Variants in RHOU observed in about 807,000 individuals in gnomAD.
RHOU encodes rho-related GTP-binding protein RhoU.
A neutral mutation model predicts 12.6 loss-of-function variants in RHOU; 8 were observed. The observed-to-expected ratio is 0.64, with a 90% CI of 0.37 to 1.15. The LOEUF is 1.15. Ranked by LOEUF, RHOU falls within the 50% of genes most tolerant of loss-of-function variation. The probability of loss-of-function intolerance (pLI) is 0.01; values close to 1 mark genes in which losing one functional copy is unlikely to be tolerated. For synonymous variants in RHOU, 161 were observed against 147.4 expected (o/e 1.09, Z -0.67); for missense variants, 258 against 347.0 (o/e 0.74, Z 2.04).
At chr1:228,712,813 TAATAAATA>T in the RHOU span, among the ~76,000 whole-genome samples, 3 of 142,548 alleles carry the variant, frequency 2.1e-5, no homozygotes, top group East Asian at 4.1e-4. Context: ...AGTATAATAA[TAATAAATA>T]AATAAATAAA....
chr1:228,658,883 A>C, the RHOU span, among the ~76,000 whole-genome samples: 1 of 152,224 alleles, frequency 6.6e-6, no homozygotes, highest in Admixed American at 6.5e-5. Context: ...TGCAGAATTC[A>C]TGAAATCAGA....
At chr1:228,660,492 A>G in the RHOU span, among the ~76,000 whole-genome samples, 4 of 152,020 alleles carry the variant, frequency 2.6e-5, no homozygotes, top group Non-Finnish European at 5.9e-5. Context: ...AATTGCCCTG[A>G]TACCAAAGCA....
In RHOU at chr1:228,746,384, T is replaced by C. The variant is rs1199403773; in HGVS notation, c.*2644T>C. ...CTACAAGTGTAGGCCACCATTATAA[T>C]TTATAAATACAGCATACTTCAAAAC... is the stretch of plus-strand genomic sequence containing the variant. On this transcript the variant is annotated 3_prime_UTR_variant, in exon 3 of 3. Coordinates refer to ENST00000366691, the MANE Select transcript of RHOU (RefSeq NM_021205.6). The C allele has an allele frequency of 6.6e-6, 1 of 152,216 alleles. No homozygotes were observed. Among genetic ancestry groups the C allele is most frequent in the Non-Finnish European group, 1.5e-5 (1 of 68,034 alleles). The allele number at this position is 152,216 out of a possible 1,614,324, so 9.4% of individuals were successfully genotyped here.
the RHOU span, among the ~76,000 whole-genome samples, chr1:228,676,792 G>A: frequency 2.0e-5 from 3 of 152,262 alleles, no homozygotes; most frequent in East Asian, 1.9e-4. Context: ...GAATTACAAA[G>A]AACCTTCTCA....
chr1:228,681,683 G>A, the RHOU span, among the ~76,000 whole-genome samples: 38 of 152,220 alleles, frequency 2.5e-4, no homozygotes, highest in East Asian at 6.7e-3. Context: ...GTTTGTATTG[G>A]GGCCAAGCGG....
chr1:228,667,161 C>T, the RHOU span, among the ~76,000 whole-genome samples: 1 of 152,212 alleles, frequency 6.6e-6, no homozygotes. Context: ...TAAATAGGTT[C>T]ATTTAACCAA....
the RHOU span, among the ~76,000 whole-genome samples, chr1:228,700,508 A>G: frequency 1.3e-5 from 2 of 152,194 alleles, no homozygotes; most frequent in African/African-American, 2.4e-5. Context: ...CCTTGAAGGC[A>G]CAGTACTTTA....
At chr1:228,727,960 G>A in the RHOU span, among the ~76,000 whole-genome samples, 2 of 150,074 alleles carry the variant, frequency 1.3e-5, no homozygotes, top group African/African-American at 5.1e-5. Flanking sequence ...TGTGTTTGGG[G>A]AGGGAAGTTG....
At chr1:228,650,295 G>A in the RHOU span, 1 of 464,658 alleles carries the variant, frequency 2.2e-6, no homozygotes, top group South Asian at 1.5e-5. Context: ...TCCGCAAGGA[G>A]GCAGCGGCGG....
At chr1:228,673,403 T>C in the RHOU span, among the ~76,000 whole-genome samples, 1 of 152,208 alleles carries the variant, frequency 6.6e-6, no homozygotes, top group Non-Finnish European at 1.5e-5. Context: ...TATACCCCAA[T>C]TAATTTATCC....
chr1:228,707,955 G>C, the RHOU span, among the ~76,000 whole-genome samples: 2 of 152,148 alleles, frequency 1.3e-5, no homozygotes, highest in Non-Finnish European at 2.9e-5. Flanking sequence ...ATACAGAGAA[G>C]TGCTTAAAGG....
At chr1:228,663,555 C>T in the RHOU span, among the ~76,000 whole-genome samples, 1 of 151,226 alleles carries the variant, frequency 6.6e-6, no homozygotes, top group African/African-American at 2.4e-5. Flanking sequence ...AATATCTCAA[C>T]ACATAGCTGA....
At chr1:228,718,171 C>G in the RHOU span, among the ~76,000 whole-genome samples, 4,538 of 152,148 alleles carry the variant, frequency 0.03, 191 homozygotes, top group African/African-American at 0.09. Flanking sequence ...CCTACGTCCT[C>G]CAAAAAAGAT....
the RHOU span, among the ~76,000 whole-genome samples, chr1:228,726,231 G>T: frequency 1.4e-4 from 21 of 152,304 alleles, no homozygotes; most frequent in Admixed American, 1.4e-3. Context: ...CTGAATCAGT[G>T]ATCAAGGGTG....
At chr1:228,675,460 T>C in the RHOU span, among the ~76,000 whole-genome samples, 1 of 152,222 alleles carries the variant, frequency 6.6e-6, no homozygotes, top group Non-Finnish European at 1.5e-5. Context: ...TGAGATTGCA[T>C]TGAATCTATA....
chr1:228,743,808 C>A lies in RHOU; in HGVS notation c.*68C>A. 2 of 1,378,622 alleles carry A rather than the reference C, an allele frequency of 1.5e-6. No individual in the cohort carries two copies. Among genetic ancestry groups the A allele is most frequent in the South Asian group, 1.3e-5 (1 of 74,528 alleles). The allele number at this position is 1,378,622 out of a possible 1,614,324, so 85.4% of individuals were successfully genotyped here. A position where few individuals can be genotyped will look rare whatever the true frequency, so the allele number is the denominator to read the frequency against. ...ATATTAGAAGCTATATTAGCTGAAA[C>A]AACTCCTTTTACTGCGTAGAACCTA... On this transcript the variant is annotated 3_prime_UTR_variant, in exon 3 of 3. Transcript: ENST00000366691. The surrounding 1 kb of genome is among the most constrained non-coding windows in gnomAD (Gnocchi z 5.1).
At chr1:228,739,104 G>C (rs531434865) in intron 2 of RHOU, among the ~76,000 whole-genome samples, 1 of 152,214 alleles carries the variant, frequency 6.6e-6, no homozygotes, top group Admixed American at 6.5e-5. Context: ...CTGGGCGACA[G>C]AGCAAGATCC....
At chr1:228,717,215 T>C in the RHOU span, among the ~76,000 whole-genome samples, 3 of 152,226 alleles carry the variant, frequency 2.0e-5, no homozygotes, top group Admixed American at 2.0e-4. Flanking sequence ...CTGTCCAAAA[T>C]GCCTATTTGA....
the RHOU span, among the ~76,000 whole-genome samples, chr1:228,676,121 T>C: frequency 6.6e-6 from 1 of 150,828 alleles, no homozygotes; most frequent in African/African-American, 2.4e-5. Context: ...GAGCTATGAC[T>C]GCTGTAACCG....
Sources: gnomAD v4.1 joint callset for allele counts (sites outside exome capture counted in the v4.1 genomes callset) on GRCh38, gnomAD v4.1.1 for gene constraint, Gnocchi (gnomAD v3.1) non-coding constraint, MANE v1.5 for transcripts, NCBI Gene and HGNC (gene_info 2026-07-23, HGNC 2026-07-21) for gene names.